The following ZFHX3 variants were observed in gnomAD, a reference collection of about 807,000 sequenced individuals.
ZFHX3 encodes zinc finger homeobox protein 3.
A neutral mutation model predicts 279.1 loss-of-function variants in ZFHX3; 42 were observed. That is an observed-to-expected ratio of 0.15 (90% CI 0.12 to 0.19). The LOEUF (loss-of-function observed/expected upper bound fraction) is 0.19. Among genes scored for constraint, ZFHX3 ranks in the 10% least tolerant of loss-of-function variants. ZFHX3 has a pLI of 1.00. For missense variants in ZFHX3, 4,981 were observed against 4,754.0 expected (o/e 1.05, Z -1.40); for synonymous variants, 2,293 against 1,957.8 (o/e 1.17, Z -4.52).
At chr16:73,491,881 T>C (rs2019062004) in intron 2 of ZFHX3, among the ~76,000 whole-genome samples, 1 of 152,176 alleles carries the variant, frequency 6.6e-6, no homozygotes, top group Non-Finnish European at 1.5e-5. Flanking sequence ...TCAGTGTTGT[T>C]GGCCCAAATT....
intron 1 of ZFHX3, among the ~76,000 whole-genome samples, chr16:73,830,368 C>T (rs112536215): frequency 0.061 from 9,302 of 151,620 alleles, 678 homozygotes; most frequent in African/African-American, 0.18. Context: ...CCGTCTTCTG[C>T]GTCGCTCACG....
At chr16:73,330,500 A>G (rs1357209260) in intron 3 of ZFHX3, among the ~76,000 whole-genome samples, 1 of 152,204 alleles carries the variant, frequency 6.6e-6, no homozygotes, top group Non-Finnish European at 1.5e-5. Context: ...TGGGGAATGC[A>G]ATAGGGGCAA....
rs1171183298 is a variant in ZFHX3, at chr16:72,796,222, C to T, written c.6460G>A (p.Asp2154Asn). The T allele has an allele frequency of 1.2e-6, 2 of 1,614,128 alleles. No homozygotes were observed. Among genetic ancestry groups the T allele is most frequent in the Non-Finnish European group, 1.7e-6 (2 of 1,180,040 alleles). Residue 2154 changes from aspartate to asparagine, a missense_variant, in exon 9 of 10, where the codon GAT becomes AAT. Around this residue, in one of 7 missense-constraint regions of ZFHX3, gnomAD observed 177 missense variants for 244.2 expected, o/e 0.72. Transcript: ENST00000268489. ...TGCCGCAAGACTCGGAGCTGATCAT[C>T]TGTGATCCTGGTGCGAGGCCTCTTG... is the stretch of plus-strand genomic sequence containing the variant. ...QNKRPRTRIT[D>N]DQLRVLRQYF...
chr16:73,846,666 T>C (rs1961456057), intron 1 of ZFHX3, among the ~76,000 whole-genome samples: 1 of 152,188 alleles, frequency 6.6e-6, no homozygotes, highest in African/African-American at 2.4e-5. Context: ...CCCTTGCTAC[T>C]TACTTGTGCA....
intron 2 of ZFHX3, among the ~76,000 whole-genome samples, chr16:73,545,796 A>T (rs934564253): frequency 1.6e-5 from 2 of 126,058 alleles, no homozygotes; most frequent in East Asian, 5.1e-4. Context: ...CTGAAATTAA[A>T]AAAAAAAAAA....
At chr16:73,047,232 G>A (rs1007546333) in intron 1 of ZFHX3, among the ~76,000 whole-genome samples, 2 of 151,710 alleles carry the variant, frequency 1.3e-5, no homozygotes, top group African/African-American at 2.4e-5. Context: ...CCCCGCCCCT[G>A]CCCAAGGAAA....
At chr16:73,219,030 A>G (rs2012311730) in intron 5 of ZFHX3, among the ~76,000 whole-genome samples, 1 of 152,222 alleles carries the variant, frequency 6.6e-6, no homozygotes, top group African/African-American at 2.4e-5. Context: ...TATTTCACAT[A>G]AATGGAATCC....
chr16:73,710,892 A>T (rs551914666), intron 1 of ZFHX3, among the ~76,000 whole-genome samples: 2 of 152,248 alleles, frequency 1.3e-5, no homozygotes, highest in South Asian at 2.1e-4. Flanking sequence ...GAGGGTCTCC[A>T]ACTCTCTCTA....
chr16:73,441,163 TC>T (rs2018086586), intron 3 of ZFHX3, among the ~76,000 whole-genome samples: 1 of 152,132 alleles, frequency 6.6e-6, no homozygotes. Context: ...TTAATTCTTT[TC>T]CAAGAGATAA....
At chr16:73,631,513 G>T (rs2052468467) in intron 2 of ZFHX3, among the ~76,000 whole-genome samples, 1 of 152,056 alleles carries the variant, frequency 6.6e-6, no homozygotes, top group Admixed American at 6.6e-5. Context: ...CACACAATTG[G>T]GGTTAGATGA....
intron 3 of ZFHX3, among the ~76,000 whole-genome samples, chr16:73,396,553 G>A (rs1056032244): frequency 6.6e-6 from 1 of 152,154 alleles, no homozygotes; most frequent in Non-Finnish European, 1.5e-5. Context: ...GTTCTACAAG[G>A]CTGGAAAGGA....
chr16:72,813,662 C>T (rs886977425), intron 5 of ZFHX3, among the ~76,000 whole-genome samples: 1 of 144,432 alleles, frequency 6.9e-6, no homozygotes, highest in African/African-American at 2.4e-5. Flanking sequence ...ACATTCATAA[C>T]AGTATTTTAA....
intron 3 of ZFHX3, among the ~76,000 whole-genome samples, chr16:72,948,203 C>T (rs979230649): frequency 1.3e-5 from 2 of 152,162 alleles, no homozygotes; most frequent in African/African-American, 4.8e-5. Context: ...AGACTAATGA[C>T]CTTTGGCTCC....
intron 3 of ZFHX3, among the ~76,000 whole-genome samples, chr16:73,364,297 T>C (rs554196021): frequency 6.6e-6 from 1 of 151,504 alleles, no homozygotes; most frequent in East Asian, 1.9e-4. Flanking sequence ...CTGACTGGTG[T>C]CTTTAATTTT....
At chr16:73,716,015 C>T (rs552011593) in intron 1 of ZFHX3, among the ~76,000 whole-genome samples, 166 of 152,276 alleles carry the variant, frequency 1.1e-3, no homozygotes, top group African/African-American at 3.3e-3. Context: ...CCTAACCCTA[C>T]ACATTGTTTG....
intron 1 of ZFHX3, among the ~76,000 whole-genome samples, chr16:73,695,304 C>T (rs1472653019): frequency 1.3e-5 from 2 of 148,716 alleles, no homozygotes; most frequent in South Asian, 2.1e-4. Context: ...GGCGCGATCT[C>T]AGCTCACTGC....
chr16:73,056,689 A>G (rs902962433), intron 1 of ZFHX3, among the ~76,000 whole-genome samples: 1 of 152,214 alleles, frequency 6.6e-6, no homozygotes, highest in African/African-American at 2.4e-5. Flanking sequence ...AAGCCAAGCA[A>G]GGCGCTGGAG....
intron 2 of ZFHX3, among the ~76,000 whole-genome samples, chr16:73,459,036 G>C (rs1597343487): frequency 6.6e-6 from 1 of 152,192 alleles, no homozygotes; most frequent in East Asian, 1.9e-4. Context: ...CCTGTTTATG[G>C]GTATCAGTAA....
At chr16:73,404,363 C>T (rs528074510) in intron 3 of ZFHX3, among the ~76,000 whole-genome samples, 17 of 152,300 alleles carry the variant, frequency 1.1e-4, no homozygotes, top group Non-Finnish European at 2.2e-4. Flanking sequence ...ATGAAAGTGA[C>T]CATCTTTGAG....
Sources: gnomAD v4.1 joint callset for allele counts (sites outside exome capture counted in the v4.1 genomes callset) on GRCh38, gnomAD v4.1.1 for gene constraint, gnomAD v4.1.1 regional missense constraint, MANE v1.5 for transcripts, NCBI Gene and HGNC (gene_info 2026-07-23, HGNC 2026-07-21) for gene names.